Variants in CACNA1C observed in about 807,000 individuals in gnomAD.
CACNA1C encodes the protein calcium voltage-gated channel subunit alpha1 C, also known as voltage-dependent L-type calcium channel subunit alpha-1C.
Under a neutral mutation model 229.0 loss-of-function variants are expected in CACNA1C, and 30 were observed. The observed-to-expected ratio is 0.13, with a 90% CI of 0.10 to 0.18. The LOEUF (loss-of-function observed/expected upper bound fraction) is 0.18, where lower values mean the gene tolerates loss of function less well. Ranked by LOEUF, CACNA1C falls within the 10% of genes least tolerant of loss-of-function variation. The pLI is 1.00. For missense variants in CACNA1C, 1,658 were observed against 2,845.0 expected, an observed-to-expected ratio of 0.58 and a Z score of 9.49; for synonymous variants, 1,114 against 1,132.5, an observed-to-expected ratio of 0.98 and a Z score of 0.33.
intron 3 of CACNA1C, among the ~76,000 whole-genome samples, chr12:2,408,418 G>T (rs1444674580): frequency 2.0e-5 from 3 of 151,836 alleles, no homozygotes; most frequent in Non-Finnish European, 4.4e-5. Flanking sequence ...TTTTACCACA[G>T]TTTTACAAAG....
At chr12:2,298,244 C>G (rs1291219552) in intron 3 of CACNA1C, among the ~76,000 whole-genome samples, 3 of 152,230 alleles carry the variant, frequency 2.0e-5, no homozygotes, top group African/African-American at 7.2e-5. Context: ...TCACAAGGAA[C>G]ACAATTGCTC....
At chr12:2,308,492 A>G (rs1264394830) in intron 3 of CACNA1C, among the ~76,000 whole-genome samples, 1 of 152,162 alleles carries the variant, frequency 6.6e-6, no homozygotes, top group Non-Finnish European at 1.5e-5. Context: ...TTAGTTAACC[A>G]TATATGCATG....
chr12:2,075,843 G>A (rs1369505693), intron 1 of CACNA1C, among the ~76,000 whole-genome samples: 1 of 152,208 alleles, frequency 6.6e-6, no homozygotes, highest in Non-Finnish European at 1.5e-5. Flanking sequence ...TTGGGAGTCT[G>A]CCTGCACCCA....
chr12:2,600,711 C>A (rs1453679245), intron 21 of CACNA1C, among the ~76,000 whole-genome samples: 1 of 152,198 alleles, frequency 6.6e-6, no homozygotes, highest in African/African-American at 2.4e-5. Flanking sequence ...TAGCAGTCAT[C>A]GTCATCTTGT....
intron 9 of CACNA1C, among the ~76,000 whole-genome samples, chr12:2,523,445 G>A (rs2099813592): frequency 6.6e-6 from 1 of 152,138 alleles, no homozygotes; most frequent in African/African-American, 2.4e-5. Flanking sequence ...GGGAGTTCTA[G>A]CTTACCACTT....
rs765091519 is a variant in CACNA1C, at chr12:2,651,762, C to T, written c.4068C>T (p.Ser1356=). The change falls in exon 32 of 47, where the codon TCC becomes TCT. Residue 1356 remains serine (S), a synonymous_variant. Coordinates refer to ENST00000399655, the MANE Select transcript of CACNA1C (RefSeq NM_000719.7). The surrounding 1 kb of genome is among the most constrained non-coding windows in gnomAD (Gnocchi z 5.4). ...IRTLLWTFIK[S]FQALPYVALL... is the part of the protein sequence containing the mutation. ...CGCTGCTGTGGACCTTCATCAAGTC[C>T]TTCCAGGTAGCCGCCCCTCATGTCC... 7.8e-5 allele frequency: 126 copies of T among 1,605,316 alleles called. No individual in the cohort carries two copies. Among genetic ancestry groups the T allele is most frequent in the Non-Finnish European group, 1.0e-4 (123 of 1,174,332 alleles).
chr12:2,218,962 G>A (rs1047530994), intron 3 of CACNA1C, among the ~76,000 whole-genome samples: 1 of 152,160 alleles, frequency 6.6e-6, no homozygotes, highest in Non-Finnish European at 1.5e-5. Flanking sequence ...AAGGCATTCG[G>A]CACAGGAATG....
intron 1 of CACNA1C, among the ~76,000 whole-genome samples, chr12:2,098,242 C>G (rs2075071011): frequency 6.6e-6 from 1 of 152,168 alleles, no homozygotes; most frequent in Non-Finnish European, 1.5e-5. Flanking sequence ...CTTCTACCTT[C>G]TTGTCTGCCT....
At chr12:2,537,772 C>A (rs2099859252) in intron 9 of CACNA1C, among the ~76,000 whole-genome samples, 1 of 152,180 alleles carries the variant, frequency 6.6e-6, no homozygotes, top group South Asian at 2.1e-4. Flanking sequence ...TGGTTGCAGG[C>A]AAGCTGTGTT....
At chr12:2,616,636 CCAGA>C (rs1025586637) in intron 29 of CACNA1C, among the ~76,000 whole-genome samples, 2 of 152,320 alleles carry the variant, frequency 1.3e-5, no homozygotes, top group African/African-American at 4.8e-5. Flanking sequence ...CATGGGGCAC[CCAGA>C]CACTCTTTTC....
intron 3 of CACNA1C, among the ~76,000 whole-genome samples, chr12:2,199,408 T>C (rs1181282494): frequency 2.0e-5 from 3 of 152,220 alleles, no homozygotes; most frequent in Non-Finnish European, 4.4e-5. Flanking sequence ...GGTCCACTTC[T>C]ACTTAATGAA....
At chr12:2,425,221 T>C (rs1209440526) in intron 3 of CACNA1C, among the ~76,000 whole-genome samples, 2 of 152,254 alleles carry the variant, frequency 1.3e-5, no homozygotes, top group East Asian at 1.9e-4. Context: ...GGAAATGATA[T>C]TGTAGACAAA....
intron 1 of CACNA1C, among the ~76,000 whole-genome samples, chr12:2,017,651 CTTTTTTCTGTTTTTT>C (rs2045619395): frequency 7.3e-6 from 1 of 136,862 alleles, no homozygotes; most frequent in South Asian, 2.2e-4. Flanking sequence ...GTCAATGTAT[CTTTTTTCTGTTTTTT>C]TTTTTTCTGA....
intron 1 of CACNA1C, among the ~76,000 whole-genome samples, chr12:2,027,113 G>A (rs1205900236): frequency 6.6e-6 from 1 of 152,180 alleles, no homozygotes; most frequent in African/African-American, 2.4e-5. Context: ...AGATGATGCT[G>A]GGGAGCAGGG....
At chr12:2,572,681 T>TCTTCTCTTCCTC (rs2056396795) in intron 13 of CACNA1C, among the ~76,000 whole-genome samples, 1 of 93,300 alleles carries the variant, frequency 1.1e-5, no homozygotes, top group African/African-American at 4.3e-5. Context: ...TCCTCCTCCT[T>TCTTCTCTTCCTC]CTTCTCTTCC....
At chr12:2,344,794 A>G (rs889379170) in intron 3 of CACNA1C, among the ~76,000 whole-genome samples, 3 of 152,096 alleles carry the variant, frequency 2.0e-5, no homozygotes, top group African/African-American at 4.8e-5. Context: ...TTTGAATGTC[A>G]TACTTTCTAC....
intron 4 of CACNA1C, among the ~76,000 whole-genome samples, chr12:2,450,553 C>CAAAAAAAA: frequency 5.1e-5 from 2 of 39,012 alleles, no homozygotes; most frequent in Non-Finnish European, 9.6e-5. Context: ...GACTCCATCT[C>CAAAAAAAA]AAAAAAAAAA....
intron 9 of CACNA1C, among the ~76,000 whole-genome samples, chr12:2,525,188 C>G (rs893117835): frequency 6.6e-6 from 1 of 152,030 alleles, no homozygotes; most frequent in African/African-American, 2.4e-5. Flanking sequence ...AGAGGGATGA[C>G]AAGGTACCAG....
chr12:2,119,932 G>A (rs759660603), intron 2 of CACNA1C, among the ~76,000 whole-genome samples: 1 of 152,386 alleles, frequency 6.6e-6, no homozygotes. Context: ...CCAGGTGGGC[G>A]TGGGCCCACA....
Sources: gnomAD v4.1 joint callset for allele counts (sites outside exome capture counted in the v4.1 genomes callset) on GRCh38, gnomAD v4.1.1 for gene constraint, Gnocchi (gnomAD v3.1) non-coding constraint, MANE v1.5 for transcripts, NCBI Gene and HGNC (gene_info 2026-07-23, HGNC 2026-07-21) for gene names.